RBFOX1: variants seen among roughly 807,000 people sequenced by gnomAD.
The protein encoded by RBFOX1 is RNA binding protein fox-1 homolog 1.
Under a neutral mutation model 57.7 loss-of-function variants are expected in RBFOX1, and 8 were observed. The ratio of observed to expected loss-of-function variants is 0.14; its 90% CI spans 0.08 to 0.25. The LOEUF is 0.25. RBFOX1 is among the 10% of genes least tolerant of loss of function. The probability of loss-of-function intolerance (pLI) is 1.00; values close to 1 mark genes in which losing one functional copy is unlikely to be tolerated. For missense variants in RBFOX1, 611 were observed against 548.5 expected, an observed-to-expected ratio of 1.11 and a Z score of -1.14; for synonymous variants, 326 against 222.4, an observed-to-expected ratio of 1.47 and a Z score of -4.15.
At chr16:6,681,370 C>G (rs775914894) in intron 3 of RBFOX1, among the ~76,000 whole-genome samples, 1 of 152,136 alleles carries the variant, frequency 6.6e-6, no homozygotes, top group African/African-American at 2.4e-5. Context: ...GTCTTTGCTA[C>G]CTTGGTTAAA....
intron 4 of RBFOX1, among the ~76,000 whole-genome samples, chr16:7,431,872 G>A (rs2098683573): frequency 1.3e-5 from 2 of 152,182 alleles, no homozygotes; most frequent in South Asian, 2.1e-4. Flanking sequence ...CTCCCCATTA[G>A]AAAGACCTTT....
chr16:7,258,733 C>T (rs971516494), intron 4 of RBFOX1, among the ~76,000 whole-genome samples: 6 of 152,282 alleles, frequency 3.9e-5, no homozygotes, highest in South Asian at 4.1e-4. Flanking sequence ...TCATTTGTCT[C>T]CCCATTACTA....
intron 1 of RBFOX1, chr16:5,365,726 C>T (rs2065694097): frequency 4.8e-6 from 2 of 414,338 alleles, no homozygotes; most frequent in Non-Finnish European, 9.3e-6. Context: ...TCCTGCATGG[C>T]TGTTCTCTTG....
intron 2 of RBFOX1, among the ~76,000 whole-genome samples, chr16:6,502,348 G>GA (rs759114298): frequency 1.3e-5 from 2 of 152,094 alleles, no homozygotes; most frequent in Admixed American, 6.6e-5. Flanking sequence ...CGTTCCCTAG[G>GA]AAAATCCCAA....
intron 4 of RBFOX1, among the ~76,000 whole-genome samples, chr16:5,923,668 A>G (rs1038339174): frequency 4.0e-5 from 6 of 151,660 alleles, no homozygotes; most frequent in African/African-American, 1.5e-4. Context: ...TAACCTCCCA[A>G]ATAGCTGGGA....
chr16:6,968,197 C>T (rs1022643830), intron 3 of RBFOX1, among the ~76,000 whole-genome samples: 1 of 152,162 alleles, frequency 6.6e-6, no homozygotes, highest in African/African-American at 2.4e-5. Flanking sequence ...GCTCTCTTTT[C>T]AGTTCAGAGT....
chr16:6,559,882 A>G (rs906086321), intron 2 of RBFOX1, among the ~76,000 whole-genome samples: 5 of 152,114 alleles, frequency 3.3e-5, no homozygotes, highest in African/African-American at 9.7e-5. Context: ...AAAAAAGAAA[A>G]CAAGAACCTC....
intron 2 of RBFOX1, among the ~76,000 whole-genome samples, chr16:6,605,040 A>C (rs1005265991): frequency 6.6e-6 from 1 of 152,074 alleles, no homozygotes; most frequent in African/African-American, 2.4e-5. Flanking sequence ...ATATAAAAAT[A>C]TATAAACACA....
chr16:6,992,705 A>C (rs911204615), intron 3 of RBFOX1, among the ~76,000 whole-genome samples: 1 of 152,098 alleles, frequency 6.6e-6, no homozygotes, highest in African/African-American at 2.4e-5. Flanking sequence ...AAACCAGCTA[A>C]TGATTTTAGA....
At chr16:6,507,245 A>G (rs892741620) in intron 2 of RBFOX1, among the ~76,000 whole-genome samples, 81 of 152,172 alleles carry the variant, frequency 5.3e-4, no homozygotes, top group African/African-American at 2.0e-3. Context: ...AAAATTACTT[A>G]AAACATAAAT....
At chr16:7,332,874 G>T in intron 4 of RBFOX1, 9 of 1,541,384 alleles carry the variant, frequency 5.8e-6, no homozygotes, top group Non-Finnish European at 7.8e-6. Flanking sequence ...GTTGATGAGT[G>T]CTTGGCTCCT....
intron 1 of RBFOX1, among the ~76,000 whole-genome samples, chr16:5,404,974 G>T (rs2066822256): frequency 6.6e-6 from 1 of 152,202 alleles, no homozygotes; most frequent in African/African-American, 2.4e-5. Flanking sequence ...CTTCTCTAGA[G>T]CTTTCTACAT....
chr16:7,285,364 G>A (rs1312394171), intron 4 of RBFOX1, among the ~76,000 whole-genome samples: 1 of 151,168 alleles, frequency 6.6e-6, no homozygotes, highest in East Asian at 1.9e-4. Context: ...TTTCCCCAAT[G>A]TTACTTGCAT....
At chr16:7,499,584 C>A (rs1402309433) in intron 4 of RBFOX1, among the ~76,000 whole-genome samples, 1 of 151,958 alleles carries the variant, frequency 6.6e-6, no homozygotes, top group Non-Finnish European at 1.5e-5. Context: ...GACTGGATTC[C>A]AAGAATCTTC....
chr16:6,644,140 A>G (rs1304633730), intron 2 of RBFOX1, among the ~76,000 whole-genome samples: 1 of 152,178 alleles, frequency 6.6e-6, no homozygotes, highest in Non-Finnish European at 1.5e-5. Flanking sequence ...ATAATAGTGT[A>G]GGTTGCATAA....
chr16:6,836,166 G>C (rs578094275), intron 3 of RBFOX1, among the ~76,000 whole-genome samples: 1 of 152,156 alleles, frequency 6.6e-6, no homozygotes, highest in Non-Finnish European at 1.5e-5. Flanking sequence ...ATACGTCACC[G>C]GGTAACGCAT....
Position 6,459,129 on chromosome 16 carries a change from A to G in RBFOX1, c.-64+142072A>G, listed in dbSNP as rs528944691. ...GGTGGGTGGATCCCGAGGTCAGCAGATCGAGACCATCCTGGCTAACACAGT... is the reference window on the plus strand; with the variant it reads ...GGTGGGTGGATCCCGAGGTCAGCAGGTCGAGACCATCCTGGCTAACACAGT... On this transcript the variant is annotated intron_variant, in intron 2 of 15. Coordinates refer to ENST00000550418, the MANE Select transcript of RBFOX1 (RefSeq NM_018723.4). Among the ~76,000 whole-genome samples the G allele has an allele frequency of 2.0e-5, 3 of 152,326 alleles. No individual in the cohort carries two copies. In the East Asian group the frequency reaches 5.8e-4, roughly 29 times the overall value.
intron 2 of RBFOX1, among the ~76,000 whole-genome samples, chr16:5,487,412 A>G (rs931977333): frequency 1.3e-5 from 2 of 152,182 alleles, no homozygotes; most frequent in African/African-American, 4.8e-5. Flanking sequence ...AGAGTTTCAG[A>G]TCTTGCAGAA....
intron 2 of RBFOX1, among the ~76,000 whole-genome samples, chr16:5,565,049 C>G (rs564570002): frequency 6.6e-6 from 1 of 152,280 alleles, no homozygotes. Flanking sequence ...GTTGTTCTGT[C>G]CATCACAGGT....
Sources: allele counts gnomAD v4.1 joint callset (sites outside exome capture counted in the v4.1 genomes callset), GRCh38; gene constraint gnomAD v4.1.1; transcripts MANE v1.5; gene names NCBI Gene and HGNC (gene_info 2026-07-23, HGNC 2026-07-21).